The following RALY variants were observed in gnomAD, a reference collection of about 807,000 sequenced individuals.
RALY encodes RNA-binding protein Raly.
Under a neutral mutation model 30.7 loss-of-function variants are expected in RALY, and 15 were observed. The observed-to-expected ratio is 0.49, with a 90% CI of 0.33 to 0.75. The LOEUF (loss-of-function observed/expected upper bound fraction) is 0.75. RALY is among the 30% of genes least tolerant of loss of function. RALY has a pLI of 0.02. For missense variants in RALY, 339 were observed against 414.3 expected (o/e 0.82, Z 1.58); for synonymous variants, 177 against 170.8 (o/e 1.04, Z -0.28).
intron 1 of RALY, among the ~76,000 whole-genome samples, chr20:34,006,317 A>G (rs1434103470): frequency 6.6e-6 from 1 of 152,220 alleles, no homozygotes; most frequent in Non-Finnish European, 1.5e-5. Flanking sequence ...TTGTCCTTAA[A>G]TATTTCACAG....
chr20:34,042,193 A>C (rs772646269), intron 2 of RALY, among the ~76,000 whole-genome samples: 2 of 152,184 alleles, frequency 1.3e-5, no homozygotes, highest in South Asian at 2.1e-4. Flanking sequence ...CTAGTAGCTC[A>C]GCCTCCCCAC....
intron 1 of RALY, among the ~76,000 whole-genome samples, chr20:33,995,356 C>T (rs537254290): frequency 2.0e-4 from 30 of 152,136 alleles, no homozygotes; most frequent in Non-Finnish European, 3.8e-4. Context: ...TGGTGTGTTC[C>T]TCCTCCCAGA....
intron 2 of RALY, among the ~76,000 whole-genome samples, chr20:34,070,517 G>C (rs2033697325): frequency 6.6e-6 from 1 of 152,180 alleles, no homozygotes; most frequent in African/African-American, 2.4e-5. Flanking sequence ...GAACGAGTTA[G>C]TATTAATATG....
intron 1 of RALY, among the ~76,000 whole-genome samples, chr20:34,001,193 T>TG (rs2030898983): frequency 2.0e-5 from 3 of 152,196 alleles, no homozygotes. Context: ...GGGACAAACT[T>TG]GGAGTCCAAG....
At chr20:34,054,034 T>C (rs1439285039) in intron 2 of RALY, among the ~76,000 whole-genome samples, 1 of 152,202 alleles carries the variant, frequency 6.6e-6, no homozygotes, top group Non-Finnish European at 1.5e-5. Context: ...GACCCCCAGC[T>C]TCTCACTCTG....
intron 2 of RALY, among the ~76,000 whole-genome samples, chr20:34,051,988 G>C (rs2033093852): frequency 6.6e-6 from 1 of 152,186 alleles, no homozygotes; most frequent in South Asian, 2.1e-4. Context: ...ACTAGGTTAA[G>C]AGAACTGGAT....
At chr20:34,019,724 A>G (rs1279571590) in intron 1 of RALY, among the ~76,000 whole-genome samples, 1 of 152,188 alleles carries the variant, frequency 6.6e-6, no homozygotes, top group African/African-American at 2.4e-5. Context: ...AGGGACAACC[A>G]TACACATACA....
At chr20:34,074,623 G>A (rs1394913782) in intron 5 of RALY, among the ~76,000 whole-genome samples, 2 of 151,944 alleles carry the variant, frequency 1.3e-5, no homozygotes, top group Non-Finnish European at 2.9e-5. Context: ...CTGGGGGTCA[G>A]AAGATTTAGA....
chr20:34,074,638 A>T (rs1187114333), intron 5 of RALY, among the ~76,000 whole-genome samples: 1 of 152,072 alleles, frequency 6.6e-6, no homozygotes, highest in Non-Finnish European at 1.5e-5. Context: ...TTTAGATGCT[A>T]ATCTCAGCTC....
At chr20:34,024,758 T>G (rs1362054626) in intron 1 of RALY, among the ~76,000 whole-genome samples, 1 of 152,142 alleles carries the variant, frequency 6.6e-6, no homozygotes, top group Non-Finnish European at 1.5e-5. Flanking sequence ...TTTATTATGT[T>G]GTGAGGTCAT....
At position 34,077,092 on chromosome 20, in the gene RALY, C is replaced by CGGTGGCAGTGGTGGT. The variant is rs772351483; in HGVS notation, c.726_740dup (p.Ser244_Gly248dup). On this transcript the variant is annotated inframe_insertion, in exon 8 of 10. Coordinates refer to ENST00000246194, the MANE Select transcript of RALY (RefSeq NM_016732.3). ...GCGGCGGTGGTGGTGGCAGCGGTGG[C>CGGTGGCAGTGGTGGT]GGTGGCAGTGGTGGTGGCGGTGGCG... is the stretch of plus-strand genomic sequence containing the variant. 8 of 1,604,628 alleles carry CGGTGGCAGTGGTGGT rather than the reference C, an allele frequency of 5.0e-6. No individual in the cohort carries two copies. In the African/African-American group the frequency reaches 9.4e-5, roughly 19 times the overall value.
At chr20:34,015,334 C>T (rs1262081509) in intron 1 of RALY, among the ~76,000 whole-genome samples, 4 of 151,902 alleles carry the variant, frequency 2.6e-5, no homozygotes, top group African/African-American at 9.7e-5. Flanking sequence ...AATATTTCCC[C>T]CTTTTTTTTT....
chr20:34,078,639 T>C, intron 9 of RALY, 86 bp downstream of exon 9: 2 of 1,307,466 alleles, frequency 1.5e-6, no homozygotes, highest in East Asian at 2.8e-5. Context: ...GCAGGAAGTG[T>C]CACGAAGCAT....
chr20:34,071,039 C>G (rs1285945918), intron 2 of RALY, among the ~76,000 whole-genome samples: 1 of 152,054 alleles, frequency 6.6e-6, no homozygotes, highest in Non-Finnish European at 1.5e-5. Context: ...CGTCTAAACA[C>G]CAGATCTCAC....
chr20:34,054,329 G>T lies in RALY; in HGVS notation c.-9-17737G>T, dbSNP rs1435165195. The stretch of plus-strand genomic sequence containing the variant: ...TTCAAGGAGTTCAGAATTTAATGGA[G>T]GGAGACAGATGTGTAAATACAAAAG... On this transcript the variant is annotated intron_variant, in intron 2 of 9. Transcript: ENST00000246194. Among the ~76,000 whole-genome samples, 9 of 152,344 alleles carry T rather than the reference G, an allele frequency of 5.9e-5. No individual in the cohort carries two copies. The East Asian group carries it at 1.7e-3, about 29-fold the overall frequency.
At chr20:34,027,381 G>A (rs928184241) in intron 1 of RALY, among the ~76,000 whole-genome samples, 12 of 152,146 alleles carry the variant, frequency 7.9e-5, no homozygotes, top group Admixed American at 7.2e-4. Context: ...GTATCATAAG[G>A]ATTAACAGTT....
rs1379981443 is a variant in RALY at position 34,080,796 on chromosome 20, CCT to C, written c.*895_*896del. 2.0e-5 allele frequency: 3 copies of C among 152,406 alleles called. No individual in the cohort carries two copies. Among genetic ancestry groups the C allele is most frequent in the Non-Finnish European group, 4.4e-5 (3 of 68,136 alleles). The allele number at this position is 152,406 out of a possible 1,614,324, so 9.4% of individuals were successfully genotyped here. A position where few individuals can be genotyped will look rare whatever the true frequency, so the allele number is the denominator to read the frequency against. On this transcript the variant is annotated 3_prime_UTR_variant, in exon 10 of 10. Transcript: ENST00000246194. ...GGGTGTAAGATCCTGCTTACTCCAG[CCT>C]CTCCTGTTTCTTGTCACCACCCCTT...
intron 1 of RALY, among the ~76,000 whole-genome samples, chr20:34,002,891 G>T (rs528830648): frequency 4.6e-5 from 7 of 152,272 alleles, no homozygotes; most frequent in African/African-American, 1.4e-4. Context: ...GCTCTATTTT[G>T]AAATAAAATA....
At chr20:34,012,825 C>T (rs1374102909) in intron 1 of RALY, among the ~76,000 whole-genome samples, 2 of 152,204 alleles carry the variant, frequency 1.3e-5, no homozygotes, top group Non-Finnish European at 2.9e-5. Context: ...TGCTTAATAC[C>T]CACTGTTTCC....
Sources: gnomAD v4.1 joint callset for allele counts (sites outside exome capture counted in the v4.1 genomes callset) on GRCh38, gnomAD v4.1.1 for gene constraint, MANE v1.5 for transcripts, NCBI Gene and HGNC (gene_info 2026-07-23, HGNC 2026-07-21) for gene names.